The following ANO1 variants were observed in gnomAD, a reference collection of about 807,000 sequenced individuals.
ANO1 encodes the protein anoctamin 1, also known as anoctamin-1.
Under a neutral mutation model 124.0 loss-of-function variants are expected in ANO1, and 59 were observed. The observed-to-expected ratio is 0.48, with a 90% CI of 0.39 to 0.59. The LOEUF is 0.59. Among genes scored for constraint, ANO1 ranks in the 20% least tolerant of loss-of-function variants. The pLI is 0.00. For synonymous variants in ANO1, 529 were observed against 532.0 expected (o/e 0.99, Z 0.08); for missense variants, 1,059 against 1,328.0 (o/e 0.80, Z 3.15).
chr11:70,111,915 T>G (rs528165611), intron 7 of ANO1, among the ~76,000 whole-genome samples, 153 bp downstream of exon 7: 1 of 152,204 alleles, frequency 6.6e-6, no homozygotes, highest in Non-Finnish European at 1.5e-5. Context: ...CCTTCCCTGT[T>G]CCCCGGGTGG....
intron 10 of ANO1, among the ~76,000 whole-genome samples, chr11:70,130,538 C>A (rs943645462): frequency 1.3e-5 from 2 of 152,232 alleles, no homozygotes; most frequent in East Asian, 3.8e-4. Flanking sequence ...TGAGGTGGAA[C>A]ATCTGTGCCT....
chr11:70,030,867 G>A (rs143574517), intron 1 of ANO1, among the ~76,000 whole-genome samples: 331 of 152,326 alleles, frequency 2.2e-3, no homozygotes, highest in African/African-American at 7.5e-3. Context: ...GCAGAAGGAA[G>A]AGAAACACCC....
intron 1 of ANO1, among the ~76,000 whole-genome samples, chr11:70,069,530 A>C (rs1857816107): frequency 6.6e-6 from 1 of 152,166 alleles, no homozygotes. Flanking sequence ...TGATGAGCTT[A>C]AAGGGGGAGG....
chr11:70,042,637 A>T (rs534181014), intron 1 of ANO1, among the ~76,000 whole-genome samples: 4 of 152,250 alleles, frequency 2.6e-5, no homozygotes, highest in African/African-American at 9.6e-5. Flanking sequence ...AGAGGAAACT[A>T]CCCAGGGCTA....
chr11:70,070,821 A>G (rs1303773681), intron 1 of ANO1, among the ~76,000 whole-genome samples: 1 of 152,214 alleles, frequency 6.6e-6, no homozygotes, highest in Non-Finnish European at 1.5e-5. Context: ...CTCTACCAGA[A>G]AAGCCAGGGG....
chr11:70,153,301 C>G (rs1051377076), intron 14 of ANO1, among the ~76,000 whole-genome samples, 173 bp downstream of exon 14: 7 of 152,252 alleles, frequency 4.6e-5, no homozygotes, highest in Admixed American at 2.6e-4. Flanking sequence ...TAGGTAAACA[C>G]ATGGGCCTGT....
chr11:70,073,827 A>T (rs2044018439), upstream of ANO1, among the ~76,000 whole-genome samples: 1 of 150,882 alleles, frequency 6.6e-6, no homozygotes, highest in Non-Finnish European at 1.5e-5. Context: ...GAGGAAAAAA[A>T]AATCCGCACC....
At position 70,095,287 on chromosome 11, in the gene ANO1, G is replaced by GGAAGGAAGGAAA. The variant is rs1555017334; in HGVS notation, c.441+7214_441+7215insAGAAGGAAGGAA. On this transcript the variant is annotated intron_variant, in intron 2 of 25. Transcript: ENST00000355303. ...AGGAAGGAAGGAAGGAAGGAAGGAA[G>GGAAGGAAGGAAA]GAAGGAAGGAAGGAAAGAAAGAAAG... 4.3e-4 allele frequency among the ~76,000 whole-genome samples: 35 copies of GGAAGGAAGGAAA among 80,700 alleles called. 4 individuals carry two copies. The highest frequency in any genetic ancestry group is 1.9e-3 in the African/African-American group (32 of 16,740). 52.9% of individuals were successfully genotyped at this position (80,700 alleles called of 152,430 possible).
intron 6 of ANO1, among the ~76,000 whole-genome samples, chr11:70,109,541 G>T (rs1203539678): frequency 2.6e-5 from 4 of 152,220 alleles, no homozygotes; most frequent in African/African-American, 9.6e-5. Context: ...ACACACGACT[G>T]CAGTGAGGTC....
At chr11:70,031,355 A>G (rs987547716) in intron 1 of ANO1, among the ~76,000 whole-genome samples, 7 of 152,212 alleles carry the variant, frequency 4.6e-5, no homozygotes, top group Non-Finnish European at 7.3e-5. Flanking sequence ...CATTTGAAAC[A>G]TTTGAAATTC....
At chr11:70,013,586 C>G (rs782368194) in intron 1 of ANO1, among the ~76,000 whole-genome samples, 3 of 151,884 alleles carry the variant, frequency 2.0e-5, no homozygotes, top group South Asian at 2.1e-4. Flanking sequence ...TGAGACCAGC[C>G]TGGCCAACAT....
chr11:70,009,157 T>G (rs1856546390), intron 1 of ANO1, among the ~76,000 whole-genome samples: 1 of 152,184 alleles, frequency 6.6e-6, no homozygotes. Flanking sequence ...CCAGCAGAAT[T>G]TATGCCAATT....
chr11:70,170,056 G>A (rs1385885653), intron 21 of ANO1: 1 of 418,794 alleles, frequency 2.4e-6, no homozygotes, highest in Admixed American at 2.7e-5. Context: ...ATCCCCAGGG[G>A]GAGGGCCGCA....
intron 14 of ANO1, among the ~76,000 whole-genome samples, chr11:70,154,108 G>A (rs970724328): frequency 6.6e-6 from 1 of 152,140 alleles, no homozygotes; most frequent in Non-Finnish European, 1.5e-5. Context: ...GGGACAAGCA[G>A]GCATGGAGCT....
Position 70,027,077 on chromosome 11 carries a change from C to G in ANO1, c.58+40911C>G, listed in dbSNP as rs115028981. Among the ~76,000 whole-genome samples the G allele has an allele frequency of 2.3e-3, 353 of 152,308 alleles. 1 individual carries two copies. Among genetic ancestry groups the G allele is most frequent in the African/African-American group, 8.0e-3 (334 of 41,576 alleles). Reference sequence around the variant, plus strand: ...CTCCTCAGGATGACAGCAACACACTCCACTGGACACTTTCTATGCACTTTG... The same window carrying G: ...CTCCTCAGGATGACAGCAACACACTGCACTGGACACTTTCTATGCACTTTG... On this transcript the variant is annotated intron_variant, in intron 1 of 27. Transcript: ENST00000531349.
the ANO1 span, among the ~76,000 whole-genome samples, chr11:69,980,782 G>A: frequency 7.2e-5 from 11 of 152,216 alleles, no homozygotes; most frequent in East Asian, 1.9e-4. Flanking sequence ...GGCTGGGCAC[G>A]GTGGCTCACG....
chr11:70,180,000 C>G lies in ANO1; in HGVS notation c.2351-4C>G. On this transcript the variant is annotated splice_polypyrimidine_tract_variant and splice_region_variant and intron_variant, in intron 22 of 25. Coordinates refer to ENST00000355303, the MANE Select transcript of ANO1 (RefSeq NM_018043.7). ...TTTAAAACTGTGACTTCTTCTTCCC[C>G]CAGGAATCTGGTACAATATCCTCAG... is the stretch of plus-strand genomic sequence containing the variant. The G allele has an allele frequency of 6.2e-7, 1 of 1,612,380 alleles. No individual in the cohort carries two copies. Among genetic ancestry groups the G allele is most frequent in the African/African-American group, 1.3e-5 (1 of 75,022 alleles).
chr11:70,064,873 A>T (rs1363900337), intron 1 of ANO1: 3 of 152,260 alleles, frequency 2.0e-5, no homozygotes, highest in Non-Finnish European at 2.9e-5. Context: ...ACTCGGGGCC[A>T]TCACAGAAGA....
rs1371919285 is a variant in ANO1 at position 70,161,152 on chromosome 11, C to T, written c.1579-9C>T. Reference sequence around the variant, plus strand: ...CCCCCAACCAAGAGTGCCCCTTTCCCCCCTGCAGATTGCAGTGACGTTTGC... The same window carrying T: ...CCCCCAACCAAGAGTGCCCCTTTCCTCCCTGCAGATTGCAGTGACGTTTGC... On this transcript the variant is annotated splice_polypyrimidine_tract_variant and intron_variant, in intron 16 of 25. Coordinates refer to ENST00000355303, the MANE Select transcript of ANO1 (RefSeq NM_018043.7). The T allele has an allele frequency of 9.9e-6, 16 of 1,612,220 alleles. No homozygotes were observed. The highest frequency in any genetic ancestry group is 5.5e-5 in the South Asian group (5 of 90,902).
Sources: gnomAD v4.1 joint callset for allele counts (sites outside exome capture counted in the v4.1 genomes callset) on GRCh38, gnomAD v4.1.1 for gene constraint, MANE v1.5 for transcripts, NCBI Gene and HGNC (gene_info 2026-07-23, HGNC 2026-07-21) for gene names.